The following UNKL variants were observed in gnomAD, a reference collection of about 807,000 sequenced individuals.
UNKL encodes putative E3 ubiquitin-protein ligase UNKL.
Under a neutral mutation model 78.0 loss-of-function variants are expected in UNKL, and 60 were observed. That is an observed-to-expected ratio of 0.77 (90% CI 0.63 to 0.95). The LOEUF is 0.95. UNKL is among the 40% of genes least tolerant of loss of function. The probability of loss-of-function intolerance (pLI) is 0.00; values close to 1 mark genes in which losing one functional copy is unlikely to be tolerated. For missense variants in UNKL, 1,159 were observed against 1,045.7 expected, an observed-to-expected ratio of 1.11 and a Z score of -1.49; for synonymous variants, 608 against 474.8, an observed-to-expected ratio of 1.28 and a Z score of -3.65.
chr16:1,398,679 G>GCCGCC, intron 5 of UNKL: 25 of 1,356,144 alleles, frequency 1.8e-5, no homozygotes, highest in Non-Finnish European at 2.4e-5. Flanking sequence ...TGTGGGGTCT[G>GCCGCC]CACCCCCCCA....
chr16:1,370,018 CCA>C lies in UNKL; in HGVS notation c.1585+110_1585+111del. On this transcript the variant is annotated intron_variant, in intron 12 of 14. Coordinates refer to ENST00000389221, the MANE Select transcript of UNKL (RefSeq NM_001372107.1). ...GAGCAGCAGGTCATGTGGTTTGCCACCACAGATAGGGCACAAGGTTCCGTGTG... is the reference window on the plus strand; with the variant it reads ...GAGCAGCAGGTCATGTGGTTTGCCACCAGATAGGGCACAAGGTTCCGTGTG... 2.6e-6 allele frequency: 4 copies of C among 1,551,218 alleles called. No homozygotes were observed. In the South Asian group the frequency reaches 4.8e-5, roughly 18 times the overall value.
chr16:1,370,049 C>A, intron 12 of UNKL, 81 bp downstream of exon 12: 1 of 1,550,634 alleles, frequency 6.4e-7, no homozygotes, highest in Non-Finnish European at 8.7e-7. Flanking sequence ...CCGTGTGAGG[C>A]CCCTCAGTCA....
chr16:1,406,664 G>T (rs1609561), intron 2 of UNKL, among the ~76,000 whole-genome samples: 139,703 of 152,166 alleles, frequency 0.92, 64,240 homozygotes, highest in East Asian at 1. Flanking sequence ...AAGACTGCTC[G>T]CACGTCCCAG....
At chr16:1,398,519 T>A in intron 5 of UNKL, 2 of 1,303,426 alleles carry the variant, frequency 1.5e-6, no homozygotes, top group Non-Finnish European at 2.0e-6. Flanking sequence ...GGGGCGTCCT[T>A]CCCAAAGGAA....
At chr16:1,400,879 T>G (rs1302476264) in intron 4 of UNKL, among the ~76,000 whole-genome samples, 1 of 152,096 alleles carries the variant, frequency 6.6e-6, no homozygotes, top group Non-Finnish European at 1.5e-5. Context: ...AGCAGAGACA[T>G]GGTTTCACCA....
At chr16:1,398,404 T>C in intron 5 of UNKL, 3 of 1,030,140 alleles carry the variant, frequency 2.9e-6, no homozygotes, top group African/African-American at 1.7e-5. Context: ...TGACGGGCGA[T>C]GACAAAATCT....
intron 2 of UNKL, among the ~76,000 whole-genome samples, chr16:1,405,639 A>G (rs2037722617): frequency 6.6e-6 from 1 of 151,776 alleles, no homozygotes; most frequent in African/African-American, 2.4e-5. Context: ...GACACCTAGG[A>G]GGTGAGAGGG....
chr16:1,412,309 C>T (rs768256352), intron 2 of UNKL: 1 of 152,252 alleles, frequency 6.6e-6, no homozygotes, highest in African/African-American at 2.4e-5. Context: ...GATTTCTTAA[C>T]TTTAAAAGTG....
intron 9 of UNKL, 60 bp from the exon 10 acceptor site, chr16:1,385,445 G>T (rs755768692): frequency 1.6e-6 from 2 of 1,275,538 alleles, no homozygotes; most frequent in African/African-American, 3.1e-5. Context: ...GCAGCGCCAC[G>T]TCGGCACCCT....
At chr16:1,413,773 G>T in intron 2 of UNKL, 73 bp downstream of exon 2, 1 of 1,437,454 alleles carries the variant, frequency 7.0e-7, no homozygotes, top group South Asian at 1.4e-5. Flanking sequence ...GTCCGCTGAG[G>T]GTCCCGGCCG....
intron 14 of UNKL, 148 bp from the exon 15 acceptor site, chr16:1,366,543 G>C: frequency 9.3e-7 from 1 of 1,072,122 alleles, no homozygotes; most frequent in Non-Finnish European, 1.3e-6. Flanking sequence ...GCCCCAGCCA[G>C]GGCCACCTCA....
intron 10 of UNKL, chr16:1,379,490 C>A: frequency 3.0e-6 from 3 of 985,370 alleles, no homozygotes; most frequent in Non-Finnish European, 3.6e-6. Flanking sequence ...CCCGGGCCCA[C>A]CCCGCGGCTG....
At chr16:1,389,051 C>G (rs902001296) in intron 9 of UNKL, among the ~76,000 whole-genome samples, 1 of 152,144 alleles carries the variant, frequency 6.6e-6, no homozygotes, top group African/African-American at 2.4e-5. Flanking sequence ...AACACTTGCC[C>G]CCTCCCCCGG....
Position 1,363,723 on chromosome 16 carries a change from G to C in UNKL, c.*2517C>G, listed in dbSNP as rs1434641938. ...CATGGCCACCAAGACAGGTGAGGGA[G>C]GCCCCAGGGCACACAGCCCCAGGAT... is the stretch of plus-strand genomic sequence containing the variant. On this transcript the variant is annotated 3_prime_UTR_variant, in exon 15 of 15. Transcript: ENST00000389221. 6.1e-6 allele frequency: 1 copy of C among 164,138 alleles called. No individual in the cohort carries two copies. The highest frequency in any genetic ancestry group is 2.4e-5 in the African/African-American group (1 of 41,494). 10.2% of individuals were successfully genotyped at this position (164,138 alleles called of 1,614,324 possible).
At chr16:1,400,417 C>CAAAAAAAAAAAA (rs56093103) in intron 4 of UNKL, among the ~76,000 whole-genome samples, 2 of 30,800 alleles carry the variant, frequency 6.5e-5, no homozygotes, top group African/African-American at 1.8e-4. Flanking sequence ...GACTCCATCT[C>CAAAAAAAAAAAA]AAAAAAAAAA....
At chr16:1,379,645 C>T in intron 10 of UNKL, 1 of 984,936 alleles carries the variant, frequency 1.0e-6, no homozygotes, top group Non-Finnish European at 1.2e-6. Context: ...TGCTGACTCA[C>T]GGTCCGCGGC....
chr16:1,406,867 G>T (rs2037787660), intron 2 of UNKL, among the ~76,000 whole-genome samples: 1 of 152,076 alleles, frequency 6.6e-6, no homozygotes, highest in Non-Finnish European at 1.5e-5. Context: ...GCCGGGCACA[G>T]TGGCTCACGC....
rs1310865876 is a variant in UNKL at position 1,414,644 on chromosome 16, G to T, written c.48C>A (p.Pro16=). The T allele has an allele frequency of 3.5e-6, 4 of 1,139,012 alleles. No individual in the cohort carries two copies. The highest frequency in any genetic ancestry group is 3.3e-6 in the Non-Finnish European group (3 of 917,828). The allele number at this position is 1,139,012 out of a possible 1,614,324, so 70.6% of individuals were successfully genotyped here. The change falls in exon 1 of 15, where the codon CCC becomes CCA. Residue 16 remains proline (P), a synonymous_variant. Coordinates refer to ENST00000389221, the MANE Select transcript of UNKL (RefSeq NM_001372107.1). ...AGTGGGTCGGCTTCTCAGTCTGCGG[G>T]GGGGACCCGCTCAGCGCCGCTGCCG... is the stretch of plus-strand genomic sequence containing the variant. ...KAAAAALSGS[P]PQTEKPTHYR...
At chr16:1,372,631 C>T (rs2035951077) in intron 10 of UNKL, among the ~76,000 whole-genome samples, 1 of 152,244 alleles carries the variant, frequency 6.6e-6, no homozygotes, top group Non-Finnish European at 1.5e-5. Context: ...CTCCCGCAGC[C>T]ACTGCACAGA....
Sources: allele counts gnomAD v4.1 joint callset (sites outside exome capture counted in the v4.1 genomes callset), GRCh38; gene constraint gnomAD v4.1.1; transcripts MANE v1.5; gene names NCBI Gene and HGNC (gene_info 2026-07-23, HGNC 2026-07-21).